CRPPA: variants seen among roughly 807,000 people sequenced by gnomAD.
The protein encoded by CRPPA is CDP-L-ribitol pyrophosphorylase A.
A neutral mutation model predicts 52.0 loss-of-function variants in CRPPA; 43 were observed. The ratio of observed to expected loss-of-function variants is 0.83; its 90% CI spans 0.65 to 1.07. The LOEUF is 1.07. CRPPA is among the 50% of genes least tolerant of loss of function. The pLI is 0.00. For synonymous variants in CRPPA, 250 were observed against 203.5 expected (o/e 1.23, Z -1.94); for missense variants, 629 against 551.7 (o/e 1.14, Z -1.40).
chr7:16,201,177 A>G (rs1001787330), intron 9 of CRPPA, among the ~76,000 whole-genome samples: 1 of 152,196 alleles, frequency 6.6e-6, no homozygotes, highest in Non-Finnish European at 1.5e-5. Flanking sequence ...TGAAATTTCT[A>G]AATTTGTTGC....
At chr7:16,170,701 G>A (rs1781163005) in intron 9 of CRPPA, among the ~76,000 whole-genome samples, 1 of 152,212 alleles carries the variant, frequency 6.6e-6, no homozygotes, top group Admixed American at 6.5e-5. Flanking sequence ...GGCATGGTGG[G>A]CTGCAGGTCC....
At chr7:16,289,662 G>T (rs1019232375) in intron 5 of CRPPA, among the ~76,000 whole-genome samples, 1 of 151,918 alleles carries the variant, frequency 6.6e-6, no homozygotes, top group Non-Finnish European at 1.5e-5. Flanking sequence ...AACAAATAAG[G>T]TATAGAGAGA....
At chr7:16,172,198 C>A (rs774966823) in intron 9 of CRPPA, among the ~76,000 whole-genome samples, 17 of 152,170 alleles carry the variant, frequency 1.1e-4, no homozygotes, top group Non-Finnish European at 2.1e-4. Flanking sequence ...TGCAGAGTTT[C>A]CCCTTTGCCA....
chr7:16,140,756 T>A (rs969071399), intron 9 of CRPPA, among the ~76,000 whole-genome samples: 1 of 152,214 alleles, frequency 6.6e-6, no homozygotes, highest in Non-Finnish European at 1.5e-5. Flanking sequence ...CTGTATATCT[T>A]TTCCAGTAGT....
intron 3 of CRPPA, among the ~76,000 whole-genome samples, chr7:16,324,132 C>T (rs1785323752): frequency 6.6e-6 from 1 of 152,108 alleles, no homozygotes; most frequent in Non-Finnish European, 1.5e-5. Context: ...GGATAGGATA[C>T]ATGCTGAAGA....
At chr7:16,402,096 TAAAAGG>T (rs139021874) in intron 2 of CRPPA, among the ~76,000 whole-genome samples, 41,211 of 151,702 alleles carry the variant, frequency 0.27, 5,835 homozygotes, top group South Asian at 0.38. Flanking sequence ...CTAAGACCCA[TAAAAGG>T]GAAAGTCCCT....
At chr7:16,219,639 C>T (rs1782442770) in intron 8 of CRPPA, among the ~76,000 whole-genome samples, 2 of 112,216 alleles carry the variant, frequency 1.8e-5, no homozygotes, top group South Asian at 6.1e-4. Flanking sequence ...GAAATACAAA[C>T]TACCATCAGA....
At chr7:16,305,675 G>A (rs1290384306) in intron 4 of CRPPA, among the ~76,000 whole-genome samples, 1 of 152,102 alleles carries the variant, frequency 6.6e-6, no homozygotes, top group East Asian at 1.9e-4. Context: ...AGACCATCCT[G>A]GCCAACATGG....
At chr7:16,352,128 C>T (rs909545877) in intron 3 of CRPPA, among the ~76,000 whole-genome samples, 2 of 152,002 alleles carry the variant, frequency 1.3e-5, no homozygotes, top group African/African-American at 4.8e-5. Flanking sequence ...ATGAATGAAA[C>T]TGGAAACCAT....
chr7:16,217,117 A>AGGC (rs1782348041), intron 8 of CRPPA, among the ~76,000 whole-genome samples: 1 of 149,252 alleles, frequency 6.7e-6, no homozygotes, highest in Admixed American at 6.7e-5. Flanking sequence ...CTGCCTCCTC[A>AGGC]AGTGGGTCCC....
rs539856630 is a variant in CRPPA at position 16,213,801 on chromosome 7, T to A, written c.1251+2265A>T. ...CTTTGGTAACTTTCTTATTTGTCCCTTAGTCTATTTTAAGTATTAAACTAT... is the reference window on the plus strand; with the variant it reads ...CTTTGGTAACTTTCTTATTTGTCCCATAGTCTATTTTAAGTATTAAACTAT... On this transcript the variant is annotated intron_variant, in intron 9 of 9. Coordinates refer to ENST00000407010, the MANE Select transcript of CRPPA (RefSeq NM_001101426.4). Among the ~76,000 whole-genome samples the A allele has an allele frequency of 1.1e-3, 171 of 152,166 alleles. 1 individual carries two copies. The highest frequency in any genetic ancestry group is 1.1e-3 in the Non-Finnish European group (77 of 67,994).
intron 3 of CRPPA, among the ~76,000 whole-genome samples, chr7:16,336,632 C>T (rs1785690160): frequency 6.7e-6 from 1 of 149,110 alleles, no homozygotes; most frequent in Non-Finnish European, 1.5e-5. Flanking sequence ...AGTGGCAAAT[C>T]CCTATCTGAT....
chr7:16,364,092 T>C (rs566650004), intron 3 of CRPPA, among the ~76,000 whole-genome samples: 8 of 152,308 alleles, frequency 5.3e-5, no homozygotes, highest in African/African-American at 1.9e-4. Context: ...TCTTTTTCAG[T>C]TATAAAATTT....
At chr7:16,353,708 G>A (rs1786219284) in intron 3 of CRPPA, among the ~76,000 whole-genome samples, 1 of 151,970 alleles carries the variant, frequency 6.6e-6, no homozygotes, top group South Asian at 2.1e-4. Context: ...AATTTAACCA[G>A]GCGTGGTGAC....
chr7:16,187,809 T>C (rs1249623647), intron 9 of CRPPA, among the ~76,000 whole-genome samples: 3 of 152,064 alleles, frequency 2.0e-5, no homozygotes, highest in African/African-American at 7.2e-5. Context: ...TTTGAGATGA[T>C]GGGAAGGCAA....
intron 9 of CRPPA, among the ~76,000 whole-genome samples, chr7:16,136,231 T>C (rs1047022028): frequency 6.6e-6 from 1 of 152,230 alleles, no homozygotes; most frequent in Non-Finnish European, 1.5e-5. Flanking sequence ...AAATTGGAAA[T>C]TGATATTTTA....
intron 6 of CRPPA, among the ~76,000 whole-genome samples, chr7:16,264,475 T>C (rs1306848353): frequency 2.0e-5 from 3 of 152,202 alleles, no homozygotes; most frequent in Non-Finnish European, 2.9e-5. Context: ...ACAATATTAA[T>C]ACTATATAAA....
chr7:16,220,672 C>T (rs1332604724), intron 8 of CRPPA, among the ~76,000 whole-genome samples: 3 of 144,578 alleles, frequency 2.1e-5, no homozygotes, highest in Admixed American at 6.9e-5. Flanking sequence ...AGAGCCAAAT[C>T]ATGAGTGAAC....
chr7:16,296,587 G>A (rs1341365857), intron 5 of CRPPA, among the ~76,000 whole-genome samples: 1 of 151,082 alleles, frequency 6.6e-6, no homozygotes, highest in Non-Finnish European at 1.5e-5. Context: ...GCTCAGGAAG[G>A]ACACTTAAAA....
Sources: allele counts gnomAD v4.1 joint callset (sites outside exome capture counted in the v4.1 genomes callset), GRCh38; gene constraint gnomAD v4.1.1; transcripts MANE v1.5; gene names NCBI Gene and HGNC (gene_info 2026-07-23, HGNC 2026-07-21).